BABAM2: variants seen among roughly 807,000 people sequenced by gnomAD.
The protein encoded by BABAM2 is BRISC and BRCA1-A complex member 2.
Under a neutral mutation model 54.7 loss-of-function variants are expected in BABAM2, and 31 were observed. The ratio of observed to expected loss-of-function variants is 0.57; its 90% CI spans 0.43 to 0.77. The LOEUF (loss-of-function observed/expected upper bound fraction) is 0.77. Ranked by LOEUF, BABAM2 falls within the 30% of genes least tolerant of loss-of-function variation. The pLI, the probability that BABAM2 is intolerant of heterozygous loss-of-function variation, is 0.00. For synonymous variants in BABAM2, 167 were observed against 162.9 expected, an observed-to-expected ratio of 1.03 and a Z score of -0.19; for missense variants, 364 against 455.8, an observed-to-expected ratio of 0.80 and a Z score of 1.83.
At chr2:28,033,195 G>A (rs547666851) in intron 5 of BABAM2, among the ~76,000 whole-genome samples, 1 of 152,030 alleles carries the variant, frequency 6.6e-6, no homozygotes, top group African/African-American at 2.4e-5. Flanking sequence ...TTCTCAATGG[G>A]TAAATCCTAA....
At chr2:27,930,750 A>G (rs1668034650) in intron 3 of BABAM2, among the ~76,000 whole-genome samples, 1 of 152,172 alleles carries the variant, frequency 6.6e-6, no homozygotes, top group African/African-American at 2.4e-5. Flanking sequence ...GCAGCCCTCT[A>G]GACTGTATCA....
chr2:28,173,576 G>A (rs960353629), intron 7 of BABAM2, among the ~76,000 whole-genome samples: 10 of 152,240 alleles, frequency 6.6e-5, no homozygotes, highest in South Asian at 2.1e-4. Context: ...CTCCCAGGCC[G>A]TTGAGCGCAG....
chr2:27,900,871 G>A (rs777323609), intron 2 of BABAM2, among the ~76,000 whole-genome samples: 17 of 151,794 alleles, frequency 1.1e-4, no homozygotes, highest in African/African-American at 2.7e-4. Flanking sequence ...GTGAAACCCC[G>A]TCTCTACTAA....
intron 3 of BABAM2, among the ~76,000 whole-genome samples, chr2:27,971,280 T>C (rs1245194695): frequency 6.6e-6 from 1 of 152,114 alleles, no homozygotes; most frequent in Admixed American, 6.5e-5. Flanking sequence ...ATAATGTATA[T>C]GTTTATTGAG....
chr2:28,209,936 AG>A (rs1679268491), intron 7 of BABAM2, among the ~76,000 whole-genome samples: 1 of 152,186 alleles, frequency 6.6e-6, no homozygotes, highest in Admixed American at 6.5e-5. Flanking sequence ...TCTAAAAGAA[AG>A]CAAAGGTCTA....
chr2:28,255,025 C>T (rs1295111601), intron 10 of BABAM2, among the ~76,000 whole-genome samples: 2 of 152,118 alleles, frequency 1.3e-5, no homozygotes. Context: ...GCATGAGCCA[C>T]TGCACCCAGC....
intron 7 of BABAM2, among the ~76,000 whole-genome samples, chr2:28,190,301 C>T (rs185409375): frequency 3.3e-5 from 5 of 152,204 alleles, no homozygotes; most frequent in African/African-American, 9.6e-5. Flanking sequence ...AATCAAGCAC[C>T]GGCAGATTGA....
intron 7 of BABAM2, among the ~76,000 whole-genome samples, chr2:28,221,517 A>T (rs1279753612): frequency 6.6e-6 from 1 of 152,216 alleles, no homozygotes; most frequent in Non-Finnish European, 1.5e-5. Flanking sequence ...ACTATTCTGC[A>T]GCTTGCATTT....
chr2:27,960,402 A>G (rs1450914048), intron 3 of BABAM2, among the ~76,000 whole-genome samples: 2 of 152,038 alleles, frequency 1.3e-5, no homozygotes, highest in Non-Finnish European at 2.9e-5. Flanking sequence ...GCAGTCAGCA[A>G]AAGACTCATT....
chr2:27,983,173 GT>G, intron 3 of BABAM2, among the ~76,000 whole-genome samples: 1 of 152,074 alleles, frequency 6.6e-6, no homozygotes, highest in African/African-American at 2.4e-5. Context: ...ACCCACCCTT[GT>G]TATTTTTTTG....
At chr2:27,935,054 T>G (rs1308385164) in intron 3 of BABAM2, among the ~76,000 whole-genome samples, 1 of 152,028 alleles carries the variant, frequency 6.6e-6, no homozygotes, top group South Asian at 2.1e-4. Context: ...AACAGGCTTA[T>G]GTTGGAAGAA....
At chr2:28,312,857 T>A (rs1237993591) in intron 11 of BABAM2, among the ~76,000 whole-genome samples, 2 of 152,188 alleles carry the variant, frequency 1.3e-5, no homozygotes, top group African/African-American at 4.8e-5. Flanking sequence ...GCACAGTGAT[T>A]GGCATAGAGT....
intron 7 of BABAM2, among the ~76,000 whole-genome samples, chr2:28,226,541 G>C (rs542022156): frequency 1.0e-3 from 154 of 152,246 alleles, no homozygotes; most frequent in Non-Finnish European, 1.9e-3. Context: ...GGAGTCATGG[G>C]GGGAGATGAT....
At chr2:28,192,846 A>C (rs1181268166) in intron 7 of BABAM2, among the ~76,000 whole-genome samples, 1 of 151,686 alleles carries the variant, frequency 6.6e-6, no homozygotes, top group Non-Finnish European at 1.5e-5. Context: ...ATAGCTTAAG[A>C]TGGCATTTGT....
intron 6 of BABAM2, among the ~76,000 whole-genome samples, chr2:28,114,208 A>T (rs185328420): frequency 6.6e-6 from 1 of 152,216 alleles, no homozygotes; most frequent in Non-Finnish European, 1.5e-5. Flanking sequence ...AGAGTATTCA[A>T]ACAGGAAGAG....
chr2:28,327,245 C>T (rs1326518714), intron 11 of BABAM2: 1 of 1,580,564 alleles, frequency 6.3e-7, no homozygotes, highest in Non-Finnish European at 8.6e-7. Flanking sequence ...GCCCTCCCTT[C>T]TCCTCCTCCT....
At chr2:28,108,456 T>G (rs535887805) in intron 6 of BABAM2, among the ~76,000 whole-genome samples, 35 of 152,352 alleles carry the variant, frequency 2.3e-4, no homozygotes, top group Admixed American at 6.5e-4. Context: ...GTTCATCAAT[T>G]GGTCTATCTT....
At chr2:28,129,773 C>T (rs1286404531) in intron 7 of BABAM2, among the ~76,000 whole-genome samples, 1 of 152,134 alleles carries the variant, frequency 6.6e-6, no homozygotes, top group East Asian at 1.9e-4. Flanking sequence ...ATGTAACTAG[C>T]CTCTTCAAAA....
intron 4 of BABAM2, among the ~76,000 whole-genome samples, chr2:28,010,092 G>T (rs1162596313): frequency 6.6e-6 from 1 of 152,050 alleles, no homozygotes; most frequent in African/African-American, 2.4e-5. Context: ...GTAATCAAAG[G>T]GTCCTTATTT....
Sources: allele counts gnomAD v4.1 joint callset (sites outside exome capture counted in the v4.1 genomes callset), GRCh38; gene constraint gnomAD v4.1.1; transcripts MANE v1.5; gene names NCBI Gene and HGNC (gene_info 2026-07-23, HGNC 2026-07-21).